PTCHD4: variants seen among roughly 807,000 people sequenced by gnomAD.
The protein encoded by PTCHD4 is patched domain-containing protein 4.
A neutral mutation model predicts 58.1 loss-of-function variants in PTCHD4; 33 were observed. That is an observed-to-expected ratio of 0.57 (90% CI 0.43 to 0.76). The LOEUF (loss-of-function observed/expected upper bound fraction) is 0.76, where lower values mean the gene tolerates loss of function less well. PTCHD4 is among the 30% of genes least tolerant of loss of function. The pLI is 0.00. For missense variants in PTCHD4, 1,058 were observed against 1,027.1 expected, an observed-to-expected ratio of 1.03 and a Z score of -0.41; for synonymous variants, 478 against 409.6, an observed-to-expected ratio of 1.17 and a Z score of -2.02.
At chr6:47,900,369 CTAAT>C (rs1240940215) in intron 4 of PTCHD4, 4 of 152,204 alleles carry the variant, frequency 2.6e-5, no homozygotes, top group East Asian at 3.9e-4. Flanking sequence ...TCTTTAATAA[CTAAT>C]TATTTTGAGC....
At chr6:47,931,037 G>A (rs143116950) in intron 4 of PTCHD4, among the ~76,000 whole-genome samples, 1,691 of 152,232 alleles carry the variant, frequency 0.011, 18 homozygotes, top group South Asian at 0.025. Context: ...CACCCGCCTC[G>A]GCCTCCCAAA....
intron 4 of PTCHD4, among the ~76,000 whole-genome samples, chr6:47,944,525 A>C (rs1410622489): frequency 3.9e-5 from 6 of 152,108 alleles, no homozygotes. Context: ...ACATATAGTT[A>C]AAGCTTTAAC....
chr6:47,957,732 C>T (rs527402699), intron 4 of PTCHD4, among the ~76,000 whole-genome samples: 26 of 151,752 alleles, frequency 1.7e-4, no homozygotes, highest in African/African-American at 6.3e-4. Flanking sequence ...TCTAGAGTAG[C>T]TGGGACTATA....
Position 47,860,853 on chromosome 6 carries a change from T to C in PTCHD4, c.*17450A>G, listed in dbSNP as rs1763409902. On this transcript the variant is annotated 3_prime_UTR_variant, in exon 5 of 5. Coordinates refer to ENST00000339488, the MANE Select transcript of PTCHD4 (RefSeq NM_001384253.1). ...CGATAAAATACTTTCATAAAAATTA[T>C]TTATCCTGAGATAAACTCTTTATGA... Among the ~76,000 whole-genome samples, 1 of 152,046 alleles carries C rather than the reference T, an allele frequency of 6.6e-6. No homozygotes were observed. The highest frequency in any genetic ancestry group is 6.6e-5 in the Admixed American group (1 of 15,230).
At chr6:48,020,566 C>A (rs1763030846) in intron 3 of PTCHD4, among the ~76,000 whole-genome samples, 1 of 151,930 alleles carries the variant, frequency 6.6e-6, no homozygotes, top group African/African-American at 2.4e-5. Context: ...TAGTGAATAT[C>A]TGGGAAAGTG....
chr6:47,979,101 T>C (rs919054284), intron 4 of PTCHD4, among the ~76,000 whole-genome samples: 24 of 152,150 alleles, frequency 1.6e-4, no homozygotes, highest in Admixed American at 1.2e-3. Flanking sequence ...TCTATTTCTA[T>C]GAAGTTCTAG....
At chr6:47,892,962 C>T (rs1764423914) in intron 4 of PTCHD4, among the ~76,000 whole-genome samples, 1 of 152,146 alleles carries the variant, frequency 6.6e-6, no homozygotes, top group Admixed American at 6.5e-5. Flanking sequence ...ATTAATCAAC[C>T]AGAACTTCCT....
At chr6:48,088,081 T>G (rs1256474459) in intron 1 of PTCHD4, among the ~76,000 whole-genome samples, 2 of 152,176 alleles carry the variant, frequency 1.3e-5, no homozygotes, top group Non-Finnish European at 2.9e-5. Flanking sequence ...CATGCTAGGT[T>G]ACAAGACCAT....
At chr6:47,899,507 A>C in intron 4 of PTCHD4, 1 of 807,770 alleles carries the variant, frequency 1.2e-6, no homozygotes, top group Non-Finnish European at 1.5e-6. Context: ...GGGACAGAAA[A>C]TGAGTCTAGT....
chr6:47,910,383 G>T (rs531921019), intron 4 of PTCHD4, among the ~76,000 whole-genome samples: 3 of 152,094 alleles, frequency 2.0e-5, no homozygotes, highest in Non-Finnish European at 2.9e-5. Flanking sequence ...ACAGCACAGA[G>T]GGAGGGCATA....
chr6:47,886,143 G>T, intron 4 of PTCHD4, among the ~76,000 whole-genome samples: 1 of 147,706 alleles, frequency 6.8e-6, no homozygotes. Context: ...TTTTCCCAGA[G>T]CAATGTTGTT....
rs1475764130 is a variant in PTCHD4, at chr6:47,873,285, G to T, written c.*5018C>A. 6.6e-6 allele frequency among the ~76,000 whole-genome samples: 1 copy of T among 151,680 alleles called. No homozygotes were observed. The highest frequency in any genetic ancestry group is 2.4e-5 in the African/African-American group (1 of 41,364). Reference sequence around the variant, plus strand: ...TCTCTCTGCTGTATTCTAAATCACAGAATATGTGGTATTATTCCACTTGTT... The same window carrying T: ...TCTCTCTGCTGTATTCTAAATCACATAATATGTGGTATTATTCCACTTGTT... On this transcript the variant is annotated 3_prime_UTR_variant, in exon 5 of 5. Coordinates refer to ENST00000339488, the MANE Select transcript of PTCHD4 (RefSeq NM_001384253.1).
At chr6:48,030,186 A>G (rs1375881533) in intron 3 of PTCHD4, among the ~76,000 whole-genome samples, 1 of 152,150 alleles carries the variant, frequency 6.6e-6, no homozygotes, top group Non-Finnish European at 1.5e-5. Context: ...ATTTATGTAA[A>G]TAATCAGGCC....
chr6:48,071,156 C>T (rs532115149), intron 1 of PTCHD4, among the ~76,000 whole-genome samples: 3 of 152,188 alleles, frequency 2.0e-5, no homozygotes, highest in Non-Finnish European at 4.4e-5. Flanking sequence ...AGGCAGCGTA[C>T]TCTCTTCTCA....
chr6:47,881,401 CTGGACAAT>C (rs1554148990), intron 4 of PTCHD4, among the ~76,000 whole-genome samples: 1 of 152,128 alleles, frequency 6.6e-6, no homozygotes, highest in Non-Finnish European at 1.5e-5. Flanking sequence ...TGACATAGTT[CTGGACAAT>C]GCAATGTAAC....
rs1399343562 is a variant in PTCHD4 at position 47,878,420 on chromosome 6, C to T, written c.2415G>A (p.Thr805=). The change falls in exon 5 of 5, where the codon ACG becomes ACA. Residue 805 remains threonine (T), a synonymous_variant. Transcript: ENST00000339488. ...GGTGCTTTTTGGAAGGGGGGAAAAACGTTAGGAACACAGGTAAAATAACAA... is the reference window on the plus strand; with the variant it reads ...GGTGCTTTTTGGAAGGGGGGAAAAATGTTAGGAACACAGGTAAAATAACAA... The part of the protein sequence containing the change: ...HCFVILPVFL[T]FFPPSKKHHK... 6 of 1,613,342 alleles carry T rather than the reference C, an allele frequency of 3.7e-6. No individual in the cohort carries two copies. The highest frequency in any genetic ancestry group is 5.1e-6 in the Non-Finnish European group (6 of 1,179,662).
chr6:47,916,729 G>A (rs916265050), intron 4 of PTCHD4, among the ~76,000 whole-genome samples: 1 of 152,020 alleles, frequency 6.6e-6, no homozygotes, highest in Non-Finnish European at 1.5e-5. Context: ...CCTCCTACAA[G>A]GCTAGTTGAT....
chr6:48,034,126 A>G (rs1763547180), intron 3 of PTCHD4, among the ~76,000 whole-genome samples: 1 of 152,100 alleles, frequency 6.6e-6, no homozygotes, highest in East Asian at 1.9e-4. Context: ...AGTGGATACT[A>G]TATTTTGTAG....
chr6:48,061,770 ATACTTCT>A (rs1764634293), intron 3 of PTCHD4, among the ~76,000 whole-genome samples: 1 of 152,202 alleles, frequency 6.6e-6, no homozygotes, highest in Non-Finnish European at 1.5e-5. Flanking sequence ...CATTGCCTAA[ATACTTCT>A]GCATGCCAGG....
Sources: allele counts gnomAD v4.1 joint callset (sites outside exome capture counted in the v4.1 genomes callset), GRCh38; gene constraint gnomAD v4.1.1; transcripts MANE v1.5; gene names NCBI Gene and HGNC (gene_info 2026-07-23, HGNC 2026-07-21).